The following SYK variants were observed in gnomAD, a reference collection of about 807,000 sequenced individuals.
SYK encodes the protein spleen associated tyrosine kinase.
A neutral mutation model predicts 77.8 loss-of-function variants in SYK; 16 were observed. That is an observed-to-expected ratio of 0.21 (90% CI 0.14 to 0.31). The LOEUF (loss-of-function observed/expected upper bound fraction) is 0.31. Ranked by LOEUF, SYK falls within the 10% of genes least tolerant of loss-of-function variation. The pLI is 1.00. For synonymous variants in SYK, 312 were observed against 308.7 expected (o/e 1.01, Z -0.11); for missense variants, 529 against 814.4 (o/e 0.65, Z 4.26).
At chr9:90,859,840 A>T (rs1293883011) in intron 3 of SYK, among the ~76,000 whole-genome samples, 1 of 152,192 alleles carries the variant, frequency 6.6e-6, no homozygotes, top group Non-Finnish European at 1.5e-5. Flanking sequence ...CAGATGCCTA[A>T]TGAGGTTGAT....
At chr9:90,888,083 A>G (rs982452813) in intron 12 of SYK, among the ~76,000 whole-genome samples, 194 bp downstream of exon 12, 1 of 152,212 alleles carries the variant, frequency 6.6e-6, no homozygotes, top group Non-Finnish European at 1.5e-5. Context: ...TGTTTTTCCC[A>G]TTGTGTGTCA....
intron 1 of SYK, among the ~76,000 whole-genome samples, chr9:90,814,448 C>T (rs1825214563): frequency 6.6e-6 from 1 of 152,174 alleles, no homozygotes; most frequent in South Asian, 2.1e-4. Flanking sequence ...GTGTCAGGGA[C>T]CAGTTGCCAC....
At chr9:90,810,711 C>T (rs573821339) in intron 1 of SYK, among the ~76,000 whole-genome samples, 16 of 152,204 alleles carry the variant, frequency 1.1e-4, no homozygotes, top group East Asian at 9.6e-4. Context: ...AAAATACTTA[C>T]GGTAAAGTGT....
chr9:90,874,523 A>C, intron 8 of SYK, 149 bp from the exon 9 acceptor site: 1 of 1,094,048 alleles, frequency 9.1e-7, no homozygotes, highest in Admixed American at 2.2e-5. Context: ...ACGACGTTGG[A>C]AATGTCCCTG....
chr9:90,842,258 G>A (rs2118612903), intron 1 of SYK, among the ~76,000 whole-genome samples: 1 of 150,026 alleles, frequency 6.7e-6, no homozygotes, highest in Non-Finnish European at 1.5e-5. Context: ...GTGTAGTGCA[G>A]CTGTGGCATG....
Position 90,829,614 on chromosome 9 carries a change from G to A in SYK, c.-41-14244G>A, listed in dbSNP as rs184301753. On this transcript the variant is annotated intron_variant, in intron 1 of 13. Transcript: ENST00000375754. ...ACCAGATCCTTATTCTCTTACTTTC[G>A]TGAGCCATTTCTGCCTACCTGTTGT... Among the ~76,000 whole-genome samples the A allele has an allele frequency of 3.3e-3, 495 of 152,264 alleles. 3 individuals are homozygous for A. Among genetic ancestry groups the A allele is most frequent in the African/African-American group, 0.011 (465 of 41,542 alleles).
At chr9:90,851,192 A>T (rs1000027779) in intron 3 of SYK, among the ~76,000 whole-genome samples, 1 of 152,136 alleles carries the variant, frequency 6.6e-6, no homozygotes, top group African/African-American at 2.4e-5. Context: ...CCATCTCCAG[A>T]TGGATCCATC....
intron 10 of SYK, among the ~76,000 whole-genome samples, chr9:90,878,301 G>A (rs1402690195): frequency 6.6e-6 from 1 of 152,136 alleles, no homozygotes; most frequent in Non-Finnish European, 1.5e-5. Context: ...AAACTCACTT[G>A]GAGTAAGACA....
intron 1 of SYK, among the ~76,000 whole-genome samples, chr9:90,828,583 G>T (rs928211290): frequency 6.6e-6 from 1 of 152,138 alleles, no homozygotes; most frequent in African/African-American, 2.4e-5. Context: ...GTCCTCTTCT[G>T]CTCAAAAGAG....
intron 6 of SYK, among the ~76,000 whole-genome samples, chr9:90,865,668 C>A (rs1827457923): frequency 6.6e-6 from 1 of 152,222 alleles, no homozygotes; most frequent in East Asian, 1.9e-4. Flanking sequence ...GGAGAATATA[C>A]ACAATGCGAA....
rs376638224 is a variant in SYK, at chr9:90,886,920, G to GTA, written c.1582-816_1582-815dup. On this transcript the variant is annotated intron_variant, in intron 11 of 13. Coordinates refer to ENST00000375754, the MANE Select transcript of SYK (RefSeq NM_003177.7). ...TGAATGGATAAAGAAAATGTGGTGT[G>GTA]TATATATATATATACACCTCTAGAG... is the stretch of plus-strand genomic sequence containing the variant. 7.6e-3 allele frequency among the ~76,000 whole-genome samples: 1,152 copies of GTA among 150,944 alleles called. 13 individuals carry two copies. The highest frequency in any genetic ancestry group is 0.011 in the Non-Finnish European group (718 of 67,578).
intron 13 of SYK, among the ~76,000 whole-genome samples, chr9:90,889,618 C>T (rs1248119877): frequency 6.6e-6 from 1 of 152,166 alleles, no homozygotes. Flanking sequence ...TAGAAACCAC[C>T]CAGGGGGCAG....
intron 7 of SYK, among the ~76,000 whole-genome samples, chr9:90,870,195 A>G (rs142995509): frequency 1.3e-5 from 2 of 152,372 alleles, no homozygotes; most frequent in East Asian, 3.9e-4. Flanking sequence ...TAGTCTTTAA[A>G]TGAATTAAAC....
chr9:90,853,220 C>T (rs1448831192), intron 3 of SYK, among the ~76,000 whole-genome samples: 2 of 148,086 alleles, frequency 1.4e-5, no homozygotes, highest in Non-Finnish European at 3.0e-5. Context: ...TCTCAGGTGC[C>T]CAGGCTGGAC....
chr9:90,841,916 C>T (rs922586273), intron 1 of SYK, among the ~76,000 whole-genome samples: 1 of 126,356 alleles, frequency 7.9e-6, no homozygotes, highest in Non-Finnish European at 1.7e-5. Flanking sequence ...TGGGTAGTGT[C>T]CGTGTAGTAC....
In SYK at chr9:90,844,111, T is replaced by C; in HGVS notation, c.213T>C (p.Asn71=). The change falls in exon 2 of 14, where the codon AAT becomes AAC. Residue 71 remains asparagine, a synonymous_variant. Transcript: ENST00000375754. The part of the protein sequence containing the change: ...AHHYTIEREL[N]GTYAIAGGRT... The stretch of plus-strand genomic sequence containing the variant: ...ACTACACCATCGAGCGGGAGCTGAA[T>C]GGCACCTACGCCATCGCCGGTGGCA... 1 of 1,613,678 alleles carries C rather than the reference T, an allele frequency of 6.2e-7. No homozygotes were observed. Among genetic ancestry groups the C allele is most frequent in the Non-Finnish European group, 8.5e-7 (1 of 1,179,810 alleles).
chr9:90,804,867 G>T (rs186073776), intron 1 of SYK, among the ~76,000 whole-genome samples: 1 of 152,218 alleles, frequency 6.6e-6, no homozygotes, highest in East Asian at 1.9e-4. Flanking sequence ...TTTTAGGAAA[G>T]TTCATTCATT....
intron 1 of SYK, among the ~76,000 whole-genome samples, chr9:90,832,536 A>C (rs535381531): frequency 5.9e-5 from 9 of 152,332 alleles, no homozygotes; most frequent in African/African-American, 2.2e-4. Flanking sequence ...TTCCAGAAGC[A>C]CACACTGGGC....
At chr9:90,845,677 C>T (rs2118650255) in intron 3 of SYK, 83 bp downstream of exon 3, 1 of 1,504,764 alleles carries the variant, frequency 6.6e-7, no homozygotes, top group Non-Finnish European at 9.0e-7. Context: ...TTGTGACTGG[C>T]CCCACATGAC....
Sources: allele counts gnomAD v4.1 joint callset (sites outside exome capture counted in the v4.1 genomes callset), GRCh38; gene constraint gnomAD v4.1.1; transcripts MANE v1.5; gene names NCBI Gene and HGNC (gene_info 2026-07-23, HGNC 2026-07-21).